Variants in DYNC1LI1 observed in about 807,000 individuals in gnomAD.
DYNC1LI1 encodes cytoplasmic dynein 1 light intermediate chain 1.
DYNC1LI1 carries 19 observed loss-of-function variants against 63.8 expected under a neutral mutation model. The observed-to-expected ratio is 0.30, with a 90% CI of 0.21 to 0.44. DYNC1LI1 has a LOEUF of 0.44. Ranked by LOEUF, DYNC1LI1 falls within the 20% of genes least tolerant of loss-of-function variation. The pLI is 1.00. For missense variants in DYNC1LI1, 565 were observed against 630.2 expected, an observed-to-expected ratio of 0.90 and a Z score of 1.11; for synonymous variants, 225 against 232.3, an observed-to-expected ratio of 0.97 and a Z score of 0.28.
At chr3:32,541,906 TA>T (rs1336362668) in intron 4 of DYNC1LI1, among the ~76,000 whole-genome samples, 1 of 152,196 alleles carries the variant, frequency 6.6e-6, no homozygotes, top group Non-Finnish European at 1.5e-5. Flanking sequence ...TTTCTTCATG[TA>T]TAAAAGCAAA....
intron 7 of DYNC1LI1, among the ~76,000 whole-genome samples, 178 bp from the exon 8 acceptor site, chr3:32,533,275 G>T (rs1336813298): frequency 2.0e-5 from 3 of 152,028 alleles, no homozygotes; most frequent in African/African-American, 7.2e-5. Flanking sequence ...TGAAAGCCTG[G>T]GCAACATGCC....
chr3:32,529,437 A>G (rs1697666315), intron 11 of DYNC1LI1, 103 bp downstream of exon 11: 3 of 1,130,770 alleles, frequency 2.7e-6, no homozygotes, highest in Non-Finnish European at 2.5e-6. Context: ...CCTAAAAGGT[A>G]TTACACAAGA....
intron 5 of DYNC1LI1, among the ~76,000 whole-genome samples, chr3:32,538,179 A>T (rs1277045808): frequency 1.5e-5 from 2 of 136,000 alleles, no homozygotes; most frequent in Non-Finnish European, 3.1e-5. Context: ...AGGCAGGAGG[A>T]TTGAGCCTAG....
rs1214066295 is a variant in DYNC1LI1 at position 32,538,013 on chromosome 3, ATATATATAATT to A, written c.739-920_739-910del. On this transcript the variant is annotated intron_variant, in intron 5 of 12. Transcript: ENST00000273130. ...TATATATAATTTATATATATAATAT[ATATATATAATT>A]TATATATATAATATATATATATAAT... 3.1e-4 allele frequency among the ~76,000 whole-genome samples: 11 copies of A among 35,746 alleles called. 1 individual carries two copies. Among genetic ancestry groups the A allele is most frequent in the African/African-American group, 1.6e-3 (10 of 6,224 alleles). 23.5% of individuals were successfully genotyped at this position (35,746 alleles called of 152,430 possible).
intron 7 of DYNC1LI1, among the ~76,000 whole-genome samples, chr3:32,534,156 G>A (rs1317333759): frequency 2.0e-5 from 3 of 152,206 alleles, no homozygotes; most frequent in African/African-American, 4.8e-5. Flanking sequence ...GATTAGAAGC[G>A]TGAGCCACCG....
chr3:32,550,170 G>A lies in DYNC1LI1; in HGVS notation c.221-4205C>T, dbSNP rs185213685. On this transcript the variant is annotated intron_variant, in intron 2 of 12. Coordinates refer to ENST00000273130, the MANE Select transcript of DYNC1LI1 (RefSeq NM_016141.4). ...CTATTGGCCGGGCACAGTGGCTCAC[G>A]CCTGTAATCACAGCACTTTGGGAGG... is the stretch of plus-strand genomic sequence containing the variant. 1.5e-4 allele frequency among the ~76,000 whole-genome samples: 23 copies of A among 152,250 alleles called. No homozygotes were observed. The East Asian group carries it at 4.1e-3, about 27-fold the overall frequency.
At chr3:32,546,689 A>G (rs913513475) in intron 2 of DYNC1LI1, among the ~76,000 whole-genome samples, 13 of 152,122 alleles carry the variant, frequency 8.5e-5, no homozygotes, top group African/African-American at 2.9e-4. Context: ...TGTCCACCTA[A>G]GGGCCAATCA....
intron 7 of DYNC1LI1, among the ~76,000 whole-genome samples, 180 bp downstream of exon 7, chr3:32,534,331 A>G (rs1575149094): frequency 6.6e-6 from 1 of 152,204 alleles, no homozygotes; most frequent in East Asian, 1.9e-4. Context: ...CAGTAAATCT[A>G]AAAGGCAATA....
intron 1 of DYNC1LI1, 58 bp downstream of exon 1, chr3:32,570,567 G>A (rs1214978478): frequency 2.6e-6 from 4 of 1,531,564 alleles, no homozygotes; most frequent in African/African-American, 1.4e-5. Context: ...GGGATCCCGA[G>A]GCGTCCGCGC....
intron 3 of DYNC1LI1, chr3:32,545,424 T>C (rs1051865168): frequency 1.3e-5 from 5 of 394,410 alleles, no homozygotes; most frequent in African/African-American, 2.1e-5. Flanking sequence ...CATCAGCAGA[T>C]AGAGATATGC....
rs773904340 is a variant in DYNC1LI1 at position 32,570,368 on chromosome 3, C to A, written c.198G>T (p.Ala66=). 6.2e-7 allele frequency: 1 copy of A among 1,604,942 alleles called. No homozygotes were observed. Among genetic ancestry groups the A allele is most frequent in the Non-Finnish European group, 8.5e-7 (1 of 1,176,590 alleles). ...TACCCAGCAGTAGCACGTTCTTCCC[C>A]GCAGGGAGCTTGGAGCGCGAGCGGG... The part of the protein sequence containing the change: ...VSTRSRSKLP[A]GKNVLLLGED... The change falls in exon 2 of 13, where the codon GCG becomes GCT. Residue 66 remains alanine, a synonymous_variant. Transcript: ENST00000273130.
At position 32,532,485 on chromosome 3, in the gene DYNC1LI1, G is replaced by GTATATATATATATATA. The variant is rs1292389896; in HGVS notation, c.1080+500_1080+501insTATATATATATATATA. 692 of 122,212 alleles carry GTATATATATATATATA rather than the reference G, an allele frequency of 5.7e-3. 13 individuals carry two copies. Among genetic ancestry groups the GTATATATATATATATA allele is most frequent in the Non-Finnish European group, 8.1e-3 (453 of 55,838 alleles). The allele number at this position is 122,212 out of a possible 1,614,324, so 7.6% of individuals were successfully genotyped here. A position where few individuals can be genotyped will look rare whatever the true frequency, so the allele number is the denominator to read the frequency against. Reference sequence around the variant, plus strand: ...CATCTCAAAAAAAAAAAAAAAATGTGTGTATATATATATATATATATAAAA... The same window carrying GTATATATATATATATA: ...CATCTCAAAAAAAAAAAAAAAATGTGTATATATATATATATATGTATATATATATATATATATAAAA... On this transcript the variant is annotated intron_variant, in intron 8 of 12. Transcript: ENST00000273130.
At chr3:32,559,452 T>G (rs1379881886) in intron 2 of DYNC1LI1, among the ~76,000 whole-genome samples, 1 of 152,130 alleles carries the variant, frequency 6.6e-6, no homozygotes, top group Non-Finnish European at 1.5e-5. Context: ...CTGCCCAGGA[T>G]GGTCTCAAAG....
At chr3:32,551,012 A>G (rs886368784) in intron 2 of DYNC1LI1, among the ~76,000 whole-genome samples, 3 of 152,116 alleles carry the variant, frequency 2.0e-5, no homozygotes, top group Non-Finnish European at 2.9e-5. Context: ...TAAAAAAAAA[A>G]AAAAGAAAAC....
At chr3:32,533,413 G>A (rs957802176) in intron 7 of DYNC1LI1, among the ~76,000 whole-genome samples, 1 of 152,192 alleles carries the variant, frequency 6.6e-6, no homozygotes, top group African/African-American at 2.4e-5. Context: ...GGAGGCAGGA[G>A]CTGAAGTGAG....
At chr3:32,548,925 G>A (rs1697995127) in intron 2 of DYNC1LI1, among the ~76,000 whole-genome samples, 1 of 151,636 alleles carries the variant, frequency 6.6e-6, no homozygotes, top group African/African-American at 2.4e-5. Context: ...TTTTTACAAA[G>A]TACCATTAAA....
chr3:32,534,200 G>C (rs912852511), intron 7 of DYNC1LI1, among the ~76,000 whole-genome samples: 1 of 152,096 alleles, frequency 6.6e-6, no homozygotes, highest in East Asian at 1.9e-4. Flanking sequence ...AGCATGTCTA[G>C]ATCTCATATT....
intron 5 of DYNC1LI1, among the ~76,000 whole-genome samples, chr3:32,538,699 TAA>T (rs879362584): frequency 7.1e-6 from 1 of 140,576 alleles, no homozygotes. Context: ...AGGCTCCATA[TAA>T]AAAAAAAAAA....
At chr3:32,530,848 T>C (rs342722) in intron 8 of DYNC1LI1, 128,291 of 234,852 alleles carry the variant, frequency 0.55, 35,781 homozygotes, top group African/African-American at 0.65. Context: ...AAAAGGCATA[T>C]GAGGCAAGTG....
Sources: gnomAD v4.1 joint callset for allele counts (sites outside exome capture counted in the v4.1 genomes callset) on GRCh38, gnomAD v4.1.1 for gene constraint, MANE v1.5 for transcripts, NCBI Gene and HGNC (gene_info 2026-07-23, HGNC 2026-07-21) for gene names.